Variants in UBE2E2 observed in about 807,000 individuals in gnomAD.
UBE2E2 encodes the protein ubiquitin conjugating enzyme E2 E2, also known as ubiquitin-conjugating enzyme E2 E2.
A neutral mutation model predicts 24.7 loss-of-function variants in UBE2E2; 6 were observed. The ratio of observed to expected loss-of-function variants is 0.24; its 90% CI spans 0.13 to 0.48. UBE2E2 has a LOEUF of 0.48. UBE2E2 is among the 20% of genes least tolerant of loss of function. The pLI, the probability that UBE2E2 is intolerant of heterozygous loss-of-function variation, is 0.99. For synonymous variants in UBE2E2, 104 were observed against 83.6 expected (o/e 1.24, Z -1.33); for missense variants, 169 against 245.0 (o/e 0.69, Z 2.07).
At chr3:23,413,725 A>G (rs368626431) in intron 3 of UBE2E2, among the ~76,000 whole-genome samples, 9 of 152,128 alleles carry the variant, frequency 5.9e-5, no homozygotes, top group East Asian at 5.8e-4. Context: ...CTAGAGAGTA[A>G]TTGCCTGTAT....
At chr3:23,531,770 C>G (rs1048983831) in intron 4 of UBE2E2, among the ~76,000 whole-genome samples, 4 of 152,040 alleles carry the variant, frequency 2.6e-5, no homozygotes, top group South Asian at 2.1e-4. Context: ...TGTTTTAAAA[C>G]TGTGTTATAG....
chr3:23,422,398 C>T (rs185567180), intron 3 of UBE2E2, among the ~76,000 whole-genome samples: 1 of 152,178 alleles, frequency 6.6e-6, no homozygotes, highest in Non-Finnish European at 1.5e-5. Flanking sequence ...TCTGCTGCTT[C>T]CCAGCTGCAG....
chr3:23,291,364 A>G (rs1347676386), intron 3 of UBE2E2, among the ~76,000 whole-genome samples: 5 of 152,238 alleles, frequency 3.3e-5, no homozygotes, highest in Non-Finnish European at 7.3e-5. Flanking sequence ...AGTGATAACA[A>G]TAAACTGCTT....
At chr3:23,251,752 A>G (rs942111934) in intron 3 of UBE2E2, among the ~76,000 whole-genome samples, 1 of 152,154 alleles carries the variant, frequency 6.6e-6, no homozygotes, top group Non-Finnish European at 1.5e-5. Context: ...AGAAAAAGTT[A>G]TAAAATTATA....
intron 4 of UBE2E2, among the ~76,000 whole-genome samples, chr3:23,528,567 T>G (rs1695052075): frequency 6.6e-6 from 1 of 152,238 alleles, no homozygotes; most frequent in Non-Finnish European, 1.5e-5. Flanking sequence ...TTTCTGCATC[T>G]GCCTTAAGTC....
At chr3:23,455,902 C>A (rs1468025472) in intron 3 of UBE2E2, among the ~76,000 whole-genome samples, 2 of 152,166 alleles carry the variant, frequency 1.3e-5, no homozygotes, top group East Asian at 1.9e-4. Flanking sequence ...TTGACTCATC[C>A]TTTCACAAAA....
intron 3 of UBE2E2, among the ~76,000 whole-genome samples, chr3:23,321,180 C>G (rs865832297): frequency 6.6e-6 from 1 of 152,204 alleles, no homozygotes; most frequent in Non-Finnish European, 1.5e-5. Context: ...TTTTCCTCCT[C>G]TTACAAGGAT....
intron 3 of UBE2E2, among the ~76,000 whole-genome samples, chr3:23,274,389 G>T (rs1411504110): frequency 6.6e-6 from 1 of 151,714 alleles, no homozygotes; most frequent in Non-Finnish European, 1.5e-5. Flanking sequence ...GTCCCTCTCT[G>T]TTGCCCACTG....
intron 5 of UBE2E2, among the ~76,000 whole-genome samples, chr3:23,558,217 A>T (rs553366640): frequency 1.3e-5 from 2 of 152,196 alleles, no homozygotes; most frequent in African/African-American, 4.8e-5. Flanking sequence ...CTCAAACTTA[A>T]CATAATTGAT....
At chr3:23,203,703 C>G (rs1478841541) in intron 1 of UBE2E2, among the ~76,000 whole-genome samples, 1 of 136,696 alleles carries the variant, frequency 7.3e-6, no homozygotes, top group Non-Finnish European at 1.6e-5. Flanking sequence ...CCCCTTCTGC[C>G]TCTTCTCTCC....
At chr3:23,353,082 A>G (rs1006378496) in intron 3 of UBE2E2, among the ~76,000 whole-genome samples, 1 of 152,236 alleles carries the variant, frequency 6.6e-6, no homozygotes, top group African/African-American at 2.4e-5. Flanking sequence ...GGTTCAAGAT[A>G]TGCAAATCAA....
rs969481950 is a variant in UBE2E2 at position 23,423,229 on chromosome 3, C to T, written c.228-76379C>T. On this transcript the variant is annotated intron_variant, in intron 3 of 5. Coordinates refer to ENST00000396703, the MANE Select transcript of UBE2E2 (RefSeq NM_152653.4). ...AACTGCGCATAAAACGGTTTGATAG[C>T]TAGTGCTTTAACTAAAGCTAGTTGT... 2.6e-5 allele frequency among the ~76,000 whole-genome samples: 4 copies of T among 152,318 alleles called. No individual in the cohort carries two copies. In the East Asian group the frequency reaches 7.7e-4, roughly 29 times the overall value.
chr3:23,302,054 C>A (rs932434476), intron 3 of UBE2E2, among the ~76,000 whole-genome samples: 1 of 152,106 alleles, frequency 6.6e-6, no homozygotes, highest in Non-Finnish European at 1.5e-5. Context: ...TTTATTTCTC[C>A]TTGTCAGTAT....
intron 3 of UBE2E2, chr3:23,270,888 A>G (rs1698222022): frequency 2.2e-6 from 1 of 456,150 alleles, no homozygotes. Flanking sequence ...ATTAAGAACG[A>G]TAATTGTCTA....
intron 3 of UBE2E2, among the ~76,000 whole-genome samples, chr3:23,419,875 T>C (rs551624969): frequency 6.6e-6 from 1 of 152,312 alleles, no homozygotes; most frequent in South Asian, 2.1e-4. Flanking sequence ...CCCTTTCCTC[T>C]CTCTTGCTCA....
intron 3 of UBE2E2, among the ~76,000 whole-genome samples, chr3:23,351,581 A>C (rs1204602986): frequency 6.6e-6 from 1 of 152,206 alleles, no homozygotes; most frequent in African/African-American, 2.4e-5. Context: ...AGGGGTTGCA[A>C]TCCTAGTCTC....
chr3:23,223,023 CCCTT>C (rs1282780450), intron 3 of UBE2E2, among the ~76,000 whole-genome samples: 3 of 106,438 alleles, frequency 2.8e-5, no homozygotes, highest in African/African-American at 1.0e-4. Flanking sequence ...TGCCCCCCCC[CCCTT>C]TTTTTTTTTT....
chr3:23,306,065 A>G (rs1243074415), intron 3 of UBE2E2, among the ~76,000 whole-genome samples: 1 of 152,238 alleles, frequency 6.6e-6, no homozygotes, highest in Non-Finnish European at 1.5e-5. Context: ...GTTAAGTGGT[A>G]GATAAAAAAG....
At chr3:23,348,625 C>A (rs1305763203) in intron 3 of UBE2E2, among the ~76,000 whole-genome samples, 1 of 152,044 alleles carries the variant, frequency 6.6e-6, no homozygotes, top group East Asian at 1.9e-4. Flanking sequence ...CAGTCCATCC[C>A]ATTTAGGTAT....
Sources: gnomAD v4.1 joint callset for allele counts (sites outside exome capture counted in the v4.1 genomes callset) on GRCh38, gnomAD v4.1.1 for gene constraint, MANE v1.5 for transcripts, NCBI Gene and HGNC (gene_info 2026-07-23, HGNC 2026-07-21) for gene names.